Variants in PRDM5 observed in about 807,000 individuals in gnomAD.
The protein encoded by PRDM5 is PR domain zinc finger protein 5.
A neutral mutation model predicts 81.2 loss-of-function variants in PRDM5; 56 were observed. The observed-to-expected ratio is 0.69, with a 90% CI of 0.56 to 0.86. The LOEUF is 0.86. Ranked by LOEUF, PRDM5 falls within the 40% of genes least tolerant of loss-of-function variation. PRDM5 has a pLI of 0.00. For missense variants in PRDM5, 697 were observed against 770.1 expected (o/e 0.91, Z 1.12); for synonymous variants, 267 against 256.4 (o/e 1.04, Z -0.39).
intron 14 of PRDM5, among the ~76,000 whole-genome samples, chr4:120,750,718 A>ACACACACACACG (rs1240938492): frequency 1.4e-4 from 21 of 150,024 alleles, no homozygotes; most frequent in Middle Eastern, 3.5e-3. Context: ...ACACACACAC[A>ACACACACACACG]CGCGCACACA....
chr4:120,848,243 T>C (rs1318767760), intron 3 of PRDM5, among the ~76,000 whole-genome samples: 2 of 152,156 alleles, frequency 1.3e-5, no homozygotes, highest in African/African-American at 2.4e-5. Flanking sequence ...AAAATATATA[T>C]TTTAAAATTA....
chr4:120,841,051 C>A (rs1028521113), intron 3 of PRDM5, among the ~76,000 whole-genome samples: 7 of 152,110 alleles, frequency 4.6e-5, no homozygotes, highest in Non-Finnish European at 8.8e-5. Context: ...ATTTTGTATC[C>A]TTTAACAAAT....
intron 14 of PRDM5, among the ~76,000 whole-genome samples, chr4:120,754,275 A>T (rs1744405576): frequency 6.6e-6 from 1 of 152,310 alleles, no homozygotes; most frequent in Admixed American, 6.5e-5. Flanking sequence ...TTAAAATTTT[A>T]AAATCTATTT....
chr4:120,751,326 A>G (rs761896595), intron 14 of PRDM5, among the ~76,000 whole-genome samples: 8 of 152,222 alleles, frequency 5.3e-5, no homozygotes, highest in Non-Finnish European at 1.0e-4. Context: ...AATCAATGAA[A>G]TTGAAAATAT....
At chr4:120,855,091 CA>C (rs1343516501) in intron 2 of PRDM5, among the ~76,000 whole-genome samples, 2 of 151,870 alleles carry the variant, frequency 1.3e-5, no homozygotes, top group Non-Finnish European at 2.9e-5. Context: ...TATTTTTACC[CA>C]AAAAACATTT....
intron 14 of PRDM5, among the ~76,000 whole-genome samples, chr4:120,728,767 G>A (rs1405027425): frequency 6.6e-6 from 1 of 152,092 alleles, no homozygotes; most frequent in African/African-American, 2.4e-5. Context: ...AAGAACTGAG[G>A]TTACAAGAAA....
intron 7 of PRDM5, among the ~76,000 whole-genome samples, chr4:120,814,713 A>G (rs1754265636): frequency 6.6e-6 from 1 of 152,204 alleles, no homozygotes; most frequent in Non-Finnish European, 1.5e-5. Context: ...GCTATCTCCA[A>G]TAGGGAATAT....
chr4:120,781,299 C>A lies in PRDM5; in HGVS notation c.1287G>T (p.Glu429Asp). The A allele has an allele frequency of 3.7e-6, 6 of 1,612,540 alleles. No homozygotes were observed. Among genetic ancestry groups the A allele is most frequent in the Non-Finnish European group, 5.1e-6 (6 of 1,178,954 alleles). ...LQRHLLIHNS[E>D]RTFKCHHCDA... ...CGCAGTGATGGCACTTGAAAGTCCT[C>A]TCACCTTAGAAACAAAGAGAAACAT... The change falls in exon 12 of 16, where the codon GAG (glutamate) becomes GAT (aspartate). Residue 429 changes from glutamate to aspartate, a missense_variant. Glu to Asp is a conservative substitution (Grantham distance 45). Transcript: ENST00000264808.
chr4:120,802,797 C>T (rs930665897), intron 8 of PRDM5, among the ~76,000 whole-genome samples: 5 of 152,160 alleles, frequency 3.3e-5, no homozygotes, highest in African/African-American at 9.7e-5. Flanking sequence ...AAAATCAGAG[C>T]GCTTCTCCCC....
chr4:120,805,120 C>T (rs577717948), intron 8 of PRDM5, among the ~76,000 whole-genome samples: 40 of 152,156 alleles, frequency 2.6e-4, no homozygotes, highest in African/African-American at 4.8e-4. Flanking sequence ...ATACATTCCT[C>T]GACACATACA....
At chr4:120,786,373 C>G (rs1344036647) in intron 10 of PRDM5, among the ~76,000 whole-genome samples, 1 of 151,982 alleles carries the variant, frequency 6.6e-6, no homozygotes, top group Non-Finnish European at 1.5e-5. Context: ...ATTAAAATGA[C>G]AGCATGGAAA....
intron 3 of PRDM5, among the ~76,000 whole-genome samples, chr4:120,826,680 G>T (rs1046849507): frequency 6.6e-6 from 1 of 152,086 alleles, no homozygotes; most frequent in Non-Finnish European, 1.5e-5. Flanking sequence ...ATTTACAGCT[G>T]GGAGGCTATT....
chr4:120,773,197 ATGAC>A (rs1405985991), intron 13 of PRDM5, among the ~76,000 whole-genome samples: 1 of 152,218 alleles, frequency 6.6e-6, no homozygotes, highest in African/African-American at 2.4e-5. Context: ...ATGAAACAAA[ATGAC>A]TGACAGACAA....
chr4:120,876,966 T>C (rs1274870626), intron 2 of PRDM5, among the ~76,000 whole-genome samples: 2 of 152,196 alleles, frequency 1.3e-5, no homozygotes, highest in Non-Finnish European at 2.9e-5. Flanking sequence ...GACATTCTCT[T>C]GTAAAACTCT....
chr4:120,830,738 A>G (rs1311500384), intron 3 of PRDM5, among the ~76,000 whole-genome samples: 1 of 152,116 alleles, frequency 6.6e-6, no homozygotes, highest in East Asian at 1.9e-4. Context: ...TGAAGTTTCA[A>G]ACAACTGCAA....
At chr4:120,760,325 C>G (rs1468612885) in intron 13 of PRDM5, among the ~76,000 whole-genome samples, 1 of 152,110 alleles carries the variant, frequency 6.6e-6, no homozygotes, top group East Asian at 1.9e-4. Flanking sequence ...TGTCTTAAAG[C>G]AGTTCCCAAG....
At chr4:120,850,554 G>C (rs886127847) in intron 3 of PRDM5, among the ~76,000 whole-genome samples, 1 of 152,082 alleles carries the variant, frequency 6.6e-6, no homozygotes, top group African/African-American at 2.4e-5. Context: ...TGGTAGCAGT[G>C]CACTGCATCC....
downstream of PRDM5, among the ~76,000 whole-genome samples, chr4:120,689,319 T>C (rs184521457): frequency 6.6e-5 from 10 of 152,258 alleles, no homozygotes; most frequent in Admixed American, 6.5e-4. Flanking sequence ...CCAGTTATAC[T>C]GCAGCTGAAA....
At chr4:120,759,050 C>G (rs544387944) in intron 13 of PRDM5, among the ~76,000 whole-genome samples, 18 of 152,072 alleles carry the variant, frequency 1.2e-4, no homozygotes, top group Non-Finnish European at 2.4e-4. Flanking sequence ...CCACCACGCC[C>G]GACCCAGTCA....
Sources: allele counts gnomAD v4.1 joint callset (sites outside exome capture counted in the v4.1 genomes callset), GRCh38; gene constraint gnomAD v4.1.1; transcripts MANE v1.5; gene names NCBI Gene and HGNC (gene_info 2026-07-23, HGNC 2026-07-21).